The following EFCAB6 variants were observed in gnomAD, a reference collection of about 807,000 sequenced individuals.
The protein encoded by EFCAB6 is EF-hand calcium binding domain 6.
In EFCAB6, 156 loss-of-function variants were observed where a neutral mutation model predicts 169.8. The observed-to-expected ratio is 0.92, with a 90% confidence interval of 0.81 to 1.05. The LOEUF is 1.05. Ranked by LOEUF, EFCAB6 falls within the 50% of genes least tolerant of loss-of-function variation. The pLI, the probability that EFCAB6 is intolerant of heterozygous loss-of-function variation, is 0.00. For synonymous variants in EFCAB6, 698 were observed against 676.4 expected, an observed-to-expected ratio of 1.03 and a Z score of -0.50; for missense variants, 1,800 against 1,829.1, an observed-to-expected ratio of 0.98 and a Z score of 0.29.
At chr22:43,631,067 C>T (rs561735902) in intron 19 of EFCAB6, among the ~76,000 whole-genome samples, 2 of 151,960 alleles carry the variant, frequency 1.3e-5, no homozygotes, top group Non-Finnish European at 2.9e-5. Flanking sequence ...TGGGGAGGTG[C>T]CTCAGAGCAC....
intron 11 of EFCAB6, among the ~76,000 whole-genome samples, chr22:43,686,471 T>C (rs1569386867): frequency 6.6e-6 from 1 of 152,128 alleles, no homozygotes; most frequent in Non-Finnish European, 1.5e-5. Context: ...GGAAAAATTG[T>C]CCCCATTTAA....
intron 8 of EFCAB6, among the ~76,000 whole-genome samples, chr22:43,717,879 T>C (rs939765376): frequency 6.6e-6 from 1 of 152,180 alleles, no homozygotes; most frequent in Non-Finnish European, 1.5e-5. Flanking sequence ...ATTTTATAAA[T>C]GAATGGTCCA....
chr22:43,810,145 G>A (rs560259530), intron 1 of EFCAB6, among the ~76,000 whole-genome samples: 96 of 152,182 alleles, frequency 6.3e-4, no homozygotes, highest in Non-Finnish European at 9.1e-4. Flanking sequence ...TCCCAAAGTG[G>A]TAGGATTACA....
chr22:43,755,627 G>A, intron 6 of EFCAB6, 139 bp downstream of exon 6: 1 of 753,646 alleles, frequency 1.3e-6, no homozygotes, highest in Non-Finnish European at 2.1e-6. Context: ...GTTATCAGAA[G>A]ATCTATTTAG....
intron 10 of EFCAB6, among the ~76,000 whole-genome samples, chr22:43,695,954 T>C (rs2092798072): frequency 6.6e-6 from 1 of 152,026 alleles, no homozygotes; most frequent in African/African-American, 2.4e-5. Flanking sequence ...CCATAAAATT[T>C]TGTAAATGGA....
At chr22:43,554,751 C>T in intron 27 of EFCAB6, 118 bp downstream of exon 27, 1 of 876,820 alleles carries the variant, frequency 1.1e-6, no homozygotes, top group Non-Finnish European at 1.8e-6. Context: ...AACAAAATAA[C>T]AAAACTGCAA....
intron 27 of EFCAB6, chr22:43,553,665 T>C (rs958515514): frequency 6.6e-6 from 1 of 152,322 alleles, no homozygotes; most frequent in South Asian, 2.1e-4. Context: ...GGAGGCAGGC[T>C]GGGCAGGTGC....
At chr22:43,772,003 C>G (rs779746333) in intron 4 of EFCAB6, among the ~76,000 whole-genome samples, 1 of 152,146 alleles carries the variant, frequency 6.6e-6, no homozygotes, top group African/African-American at 2.4e-5. Flanking sequence ...CCTCTCATCT[C>G]GAGAATACTC....
At chr22:43,594,104 C>T (rs1345839140) in intron 23 of EFCAB6, among the ~76,000 whole-genome samples, 9 of 151,756 alleles carry the variant, frequency 5.9e-5, no homozygotes, top group South Asian at 2.1e-4. Context: ...GGAGAAACCC[C>T]GTCTCTGCTA....
chr22:43,790,500 A>C (rs1310831988), intron 2 of EFCAB6, among the ~76,000 whole-genome samples: 1 of 152,234 alleles, frequency 6.6e-6, no homozygotes, highest in Non-Finnish European at 1.5e-5. Flanking sequence ...ATCTACGGAG[A>C]CCAGTGGAGC....
chr22:43,758,489 T>C (rs2061037695), intron 5 of EFCAB6, among the ~76,000 whole-genome samples: 1 of 152,252 alleles, frequency 6.6e-6, no homozygotes, highest in South Asian at 2.1e-4. Flanking sequence ...TTTATCCTCC[T>C]GCTGGCTATC....
intron 22 of EFCAB6, 73 bp from the exon 23 acceptor site, chr22:43,600,336 A>G: frequency 6.8e-7 from 1 of 1,477,124 alleles, no homozygotes; most frequent in South Asian, 1.2e-5. Context: ...GGGTTTGGAA[A>G]ATGCCTGCAC....
At chr22:43,711,676 G>A in intron 9 of EFCAB6, 53 bp from the exon 10 acceptor site, 1 of 1,548,350 alleles carries the variant, frequency 6.5e-7, no homozygotes, top group Non-Finnish European at 8.6e-7. Context: ...ACTTCATGGA[G>A]CTATTCAACC....
chr22:43,730,253 A>AG (rs1244379427), intron 8 of EFCAB6, among the ~76,000 whole-genome samples: 1 of 93,870 alleles, frequency 1.1e-5, no homozygotes, highest in African/African-American at 4.1e-5. Context: ...GAAGGAGGGA[A>AG]GGAGGAAAGG....
chr22:43,789,882 C>CACACACACACACACACAA (rs1319429412), intron 2 of EFCAB6, among the ~76,000 whole-genome samples: 2 of 151,100 alleles, frequency 1.3e-5, no homozygotes, highest in African/African-American at 4.9e-5. Flanking sequence ...CACACACACA[C>CACACACACACACACACAA]AAAAGTCTTC....
intron 12 of EFCAB6, among the ~76,000 whole-genome samples, chr22:43,682,353 G>A (rs1603197126): frequency 6.6e-6 from 1 of 152,174 alleles, no homozygotes; most frequent in Non-Finnish European, 1.5e-5. Context: ...TACACTGTCT[G>A]TTTATTGATC....
intron 20 of EFCAB6, among the ~76,000 whole-genome samples, chr22:43,619,285 G>A (rs1051923952): frequency 1.3e-5 from 2 of 152,196 alleles, no homozygotes; most frequent in African/African-American, 4.8e-5. Context: ...CAGAAGGCAC[G>A]TTAGGACTTG....
At chr22:43,565,527 T>C (rs1214541971) in intron 26 of EFCAB6, among the ~76,000 whole-genome samples, 1 of 152,244 alleles carries the variant, frequency 6.6e-6, no homozygotes, top group Non-Finnish European at 1.5e-5. Context: ...CAAAGGGGCT[T>C]TGTGGCCCTT....
intron 9 of EFCAB6, among the ~76,000 whole-genome samples, chr22:43,713,239 G>A (rs780906050): frequency 2.6e-5 from 4 of 152,004 alleles, no homozygotes; most frequent in South Asian, 4.2e-4. Context: ...ATCTCTATAC[G>A]AGCAGAGATC....
Sources: allele counts gnomAD v4.1 joint callset (sites outside exome capture counted in the v4.1 genomes callset), GRCh38; gene constraint gnomAD v4.1.1; transcripts MANE v1.5; gene names NCBI Gene and HGNC (gene_info 2026-07-23, HGNC 2026-07-21).